Variants in EHBP1 observed in about 807,000 individuals in gnomAD.
EHBP1 encodes EH domain-binding protein 1.
Under a neutral mutation model 144.0 loss-of-function variants are expected in EHBP1, and 55 were observed. The observed-to-expected ratio is 0.38, with a 90% CI of 0.31 to 0.48. The LOEUF (loss-of-function observed/expected upper bound fraction) is 0.48, where lower values mean the gene tolerates loss of function less well. EHBP1 is among the 20% of genes least tolerant of loss of function. The pLI, the probability that EHBP1 is intolerant of heterozygous loss-of-function variation, is 0.98. For missense variants in EHBP1, 1,200 were observed against 1,364.2 expected, an observed-to-expected ratio of 0.88 and a Z score of 1.90; for synonymous variants, 469 against 472.7, an observed-to-expected ratio of 0.99 and a Z score of 0.10.
intron 5 of EHBP1, among the ~76,000 whole-genome samples, chr2:62,810,977 C>G (rs919674302): frequency 2.0e-5 from 3 of 152,056 alleles, no homozygotes; most frequent in African/African-American, 7.2e-5. Flanking sequence ...ATTCTACAAC[C>G]CATTTAGACC....
At chr2:62,771,303 A>T in intron 4 of EHBP1, 36 bp from the exon 5 acceptor site, 5 of 1,525,340 alleles carry the variant, frequency 3.3e-6, no homozygotes, top group Non-Finnish European at 4.5e-6. Context: ...AAAGACATGT[A>T]TTTCAATTCC....
At chr2:63,020,807 T>C (rs2060710967) in intron 19 of EHBP1, among the ~76,000 whole-genome samples, 1 of 151,678 alleles carries the variant, frequency 6.6e-6, no homozygotes, top group Admixed American at 6.6e-5. Flanking sequence ...GCCTCCTGAG[T>C]AGCTGGGATT....
rs551943451 is a variant in EHBP1 at position 62,999,627 on chromosome 2, G to A, written c.3103+2861G>A. On this transcript the variant is annotated intron_variant, in intron 19 of 22. Coordinates refer to ENST00000431489, the MANE Select transcript of EHBP1 (RefSeq NM_001142616.3). ...CTTCTTTCACTTAACATATCTTCAAGGTTCATCCATGTTGTAGCATGTACC... is the reference window on the plus strand; with the variant it reads ...CTTCTTTCACTTAACATATCTTCAAAGTTCATCCATGTTGTAGCATGTACC... Among the ~76,000 whole-genome samples, 4 of 152,180 alleles carry A rather than the reference G, an allele frequency of 2.6e-5. No homozygotes were observed. In the South Asian group the frequency reaches 8.3e-4, roughly 32 times the overall value.
intron 21 of EHBP1, 37 bp downstream of exon 21, chr2:63,038,853 G>A (rs747887817): frequency 1.3e-6 from 2 of 1,569,468 alleles, no homozygotes; most frequent in Middle Eastern, 1.7e-4. Flanking sequence ...TATGTGACGT[G>A]TCAGTTGTCA....
intron 10 of EHBP1, among the ~76,000 whole-genome samples, chr2:62,883,975 A>G (rs1341461505): frequency 6.6e-6 from 1 of 152,198 alleles, no homozygotes; most frequent in East Asian, 1.9e-4. Context: ...GTCACCTAAT[A>G]ACAAAAAATA....
chr2:62,987,127 C>G (rs1274293282), intron 15 of EHBP1, among the ~76,000 whole-genome samples: 1 of 152,038 alleles, frequency 6.6e-6, no homozygotes, highest in African/African-American at 2.4e-5. Flanking sequence ...TGCTGCTGTG[C>G]CTTTTCAAAT....
At chr2:62,920,044 C>T (rs1664257606) in intron 10 of EHBP1, among the ~76,000 whole-genome samples, 1 of 152,006 alleles carries the variant, frequency 6.6e-6, no homozygotes, top group African/African-American at 2.4e-5. Flanking sequence ...GTGGAAAAGA[C>T]AGAGAAAGGG....
chr2:62,718,209 G>A (rs2035873304), intron 2 of EHBP1, among the ~76,000 whole-genome samples: 1 of 152,194 alleles, frequency 6.6e-6, no homozygotes, highest in African/African-American at 2.4e-5. Context: ...TTCTGATCAT[G>A]TAATTTAAAC....
intron 1 of EHBP1, among the ~76,000 whole-genome samples, chr2:62,687,216 A>G (rs900710525): frequency 6.6e-6 from 1 of 152,204 alleles, no homozygotes; most frequent in African/African-American, 2.4e-5. Context: ...TTCTATGATC[A>G]TTTCCCCTTT....
chr2:62,826,100 G>T lies in EHBP1; in HGVS notation c.326G>T (p.Gly109Val). Reference sequence around the variant, plus strand: ...TTAATCTTCCAGGAATCCCCTTCTGGTCGAAGGAAAGCTCTTGCTACTAGC... The same window carrying T: ...TTAATCTTCCAGGAATCCCCTTCTGTTCGAAGGAAAGCTCTTGCTACTAGC... ...TFVIENESPS[G>V]RRKALATSSI... is the part of the protein sequence containing the mutation. Residue 109 changes from glycine to valine, a missense_variant, in exon 6 of 23, where the codon GGT (glycine) becomes GTT (valine). This residue lies in a region of EHBP1 where 137 missense variants were observed against 190.1 expected (regional missense o/e 0.72). Coordinates refer to ENST00000431489, the MANE Select transcript of EHBP1 (RefSeq NM_001142616.3). The T allele has an allele frequency of 6.8e-7, 1 of 1,481,022 alleles. No homozygotes were observed. The highest frequency in any genetic ancestry group is 9.0e-7 in the Non-Finnish European group (1 of 1,114,396). The allele number at this position is 1,481,022 out of a possible 1,614,324, so 91.7% of individuals were successfully genotyped here.
chr2:62,707,340 C>A, intron 2 of EHBP1, 45 bp downstream of exon 2: 1 of 1,400,420 alleles, frequency 7.1e-7, no homozygotes, highest in Non-Finnish European at 1.0e-6. Context: ...GTGGCCTAAG[C>A]ATACTGTGGC....
intron 14 of EHBP1, among the ~76,000 whole-genome samples, chr2:62,965,735 A>G (rs1183057029): frequency 6.6e-6 from 1 of 152,230 alleles, no homozygotes; most frequent in Non-Finnish European, 1.5e-5. Flanking sequence ...CTCCAAACCA[A>G]GAATCTGTGA....
rs767043014 is a variant in EHBP1 at position 62,948,509 on chromosome 2, G to A, written c.1663G>A (p.Asp555Asn). 4.3e-6 allele frequency: 7 copies of A among 1,614,042 alleles called. No homozygotes were observed. The highest frequency in any genetic ancestry group is 5.9e-6 in the Non-Finnish European group (7 of 1,179,946). ...DQEKFYAELS[D>N]LKREPELQQP... is the part of the protein sequence containing the mutation. ...AGAAAAATTCTATGCAGAGCTTAGT[G>A]ATCTGAAGCGGGAGCCTGAACTACA... is the stretch of plus-strand genomic sequence containing the variant. Residue 555 changes from aspartate to asparagine, a missense_variant, in exon 13 of 23, where the codon GAT (aspartate) becomes AAT (asparagine). Coordinates refer to ENST00000431489, the MANE Select transcript of EHBP1 (RefSeq NM_001142616.3).
intron 2 of EHBP1, among the ~76,000 whole-genome samples, chr2:62,719,841 C>T (rs2036046389): frequency 6.6e-6 from 1 of 152,186 alleles, no homozygotes; most frequent in African/African-American, 2.4e-5. Flanking sequence ...TGAGCATCCT[C>T]AGATTTTGGT....
intron 1 of EHBP1, among the ~76,000 whole-genome samples, chr2:62,676,817 C>A (rs371925537): frequency 6.6e-6 from 1 of 152,094 alleles, no homozygotes; most frequent in Admixed American, 6.6e-5. Flanking sequence ...AAGTCTACAG[C>A]AATCGTTGTT....
At chr2:62,829,512 T>C (rs2046625196) in intron 6 of EHBP1, among the ~76,000 whole-genome samples, 1 of 151,516 alleles carries the variant, frequency 6.6e-6, no homozygotes, top group Admixed American at 6.6e-5. Context: ...TCCAACTCCA[T>C]CCAGGTTGCT....
intron 7 of EHBP1, among the ~76,000 whole-genome samples, chr2:62,834,943 T>C (rs889195205): frequency 4.6e-5 from 7 of 152,200 alleles, no homozygotes; most frequent in Admixed American, 3.9e-4. Flanking sequence ...TGACTGTATA[T>C]GTATCTTTTT....
intron 10 of EHBP1, among the ~76,000 whole-genome samples, chr2:62,922,713 A>G (rs2055180845): frequency 6.6e-6 from 1 of 152,188 alleles, no homozygotes; most frequent in Admixed American, 6.5e-5. Flanking sequence ...GCAGTGGAGT[A>G]CAGCAGTGGA....
At chr2:62,924,130 C>A (rs1251525505) in intron 10 of EHBP1, among the ~76,000 whole-genome samples, 2 of 152,162 alleles carry the variant, frequency 1.3e-5, no homozygotes, top group Non-Finnish European at 2.9e-5. Flanking sequence ...GCATATCATG[C>A]CTGAGAAACA....
Sources: allele counts gnomAD v4.1 joint callset (sites outside exome capture counted in the v4.1 genomes callset), GRCh38; gene constraint gnomAD v4.1.1; regional missense constraint gnomAD v4.1.1; transcripts MANE v1.5; gene names NCBI Gene and HGNC (gene_info 2026-07-23, HGNC 2026-07-21).